TBCD: variants seen among roughly 807,000 people sequenced by gnomAD.
TBCD encodes the protein tubulin-specific chaperone D.
In TBCD, 105 loss-of-function variants were observed where a neutral mutation model predicts 169.3. The ratio of observed to expected loss-of-function variants is 0.62; its 90% CI spans 0.53 to 0.73. The LOEUF is 0.73. Among genes scored for constraint, TBCD ranks in the 30% least tolerant of loss-of-function variants. TBCD has a pLI of 0.00. For missense variants in TBCD, 1,444 were observed against 1,600.1 expected, an observed-to-expected ratio of 0.90 and a Z score of 1.66; for synonymous variants, 700 against 643.9, an observed-to-expected ratio of 1.09 and a Z score of -1.32.
At chr17:82,798,648 C>A (rs2050279891) in intron 8 of TBCD, among the ~76,000 whole-genome samples, 2 of 152,172 alleles carry the variant, frequency 1.3e-5, no homozygotes, top group African/African-American at 2.4e-5. Flanking sequence ...TGGGCAAAGC[C>A]CGTGTCATGA....
At chr17:82,909,659 C>T (rs112348118) in intron 22 of TBCD, among the ~76,000 whole-genome samples, 5 of 133,218 alleles carry the variant, frequency 3.8e-5, no homozygotes, top group East Asian at 2.3e-4. Context: ...CTGTGGGAGG[C>T]GCGTGAGGGT....
intron 34 of TBCD, among the ~76,000 whole-genome samples, chr17:82,933,232 A>G (rs926743143): frequency 6.9e-6 from 1 of 144,864 alleles, no homozygotes; most frequent in African/African-American, 2.6e-5. Context: ...CGTTGCTGCC[A>G]TATTTTCTTG....
At chr17:82,916,212 T>C (rs1452677457) in intron 23 of TBCD, among the ~76,000 whole-genome samples, 2 of 152,142 alleles carry the variant, frequency 1.3e-5, no homozygotes, top group East Asian at 3.8e-4. Context: ...GGTGGCACCC[T>C]CTCGTTTGTT....
In TBCD at chr17:82,943,177, C is replaced by G. The variant is rs1276745553; in HGVS notation, c.*714C>G. The G allele has an allele frequency of 6.6e-6, 1 of 152,336 alleles. No homozygotes were observed. Among genetic ancestry groups the G allele is most frequent in the Non-Finnish European group, 1.5e-5 (1 of 68,120 alleles). 9.4% of individuals were successfully genotyped at this position (152,336 alleles called of 1,614,324 possible). ...AGTAATGTCGGAAATAAATACCATT[C>G]TTGAAATAATTACACTGTCTTAGGA... On this transcript the variant is annotated 3_prime_UTR_variant, in exon 39 of 39. Transcript: ENST00000355528.
chr17:82,866,398 C>T (rs894384926), intron 13 of TBCD, among the ~76,000 whole-genome samples: 5 of 152,228 alleles, frequency 3.3e-5, no homozygotes, highest in African/African-American at 1.2e-4. Flanking sequence ...CACACCCTCT[C>T]AAGCTGTTTT....
intron 27 of TBCD, 52 bp from the exon 28 acceptor site, chr17:82,926,348 G>A (rs1328369122): frequency 6.4e-7 from 1 of 1,567,258 alleles, no homozygotes; most frequent in Non-Finnish European, 8.8e-7. Context: ...TCCCTAAAGA[G>A]TGCACTTTGT....
In TBCD at chr17:82,782,635, C is replaced by T. The variant is rs909288617; in HGVS notation, c.771+914C>T. On this transcript the variant is annotated intron_variant, in intron 7 of 38. Transcript: ENST00000355528. The surrounding 1 kb of genome is among the most constrained non-coding windows in gnomAD (Gnocchi z 5.1). ...TGCTGGGATTACAGGCTTGAGCCGC[C>T]GCGCCTGGAAGGACACTTTGGAGCG... Among the ~76,000 whole-genome samples, 4 of 152,198 alleles carry T rather than the reference C, an allele frequency of 2.6e-5. No individual in the cohort carries two copies. Among genetic ancestry groups the T allele is most frequent in the Non-Finnish European group, 4.4e-5 (3 of 68,040 alleles).
At chr17:82,926,574 A>G (rs982748706) in intron 28 of TBCD, 83 bp downstream of exon 28, 127 of 1,185,174 alleles carry the variant, frequency 1.1e-4, no homozygotes, top group Middle Eastern at 6.0e-4. Flanking sequence ...TTTTGCTCAG[A>G]GGCAGGACTT....
intron 22 of TBCD, among the ~76,000 whole-genome samples, chr17:82,911,372 G>A (rs114013759): frequency 8.0e-4 from 122 of 151,642 alleles, no homozygotes; most frequent in African/African-American, 2.9e-3. Flanking sequence ...CCGGAGCTCC[G>A]CCTAGCTTCG....
At chr17:82,779,215 A>G (rs528805505) in intron 6 of TBCD, among the ~76,000 whole-genome samples, 86 of 151,484 alleles carry the variant, frequency 5.7e-4, no homozygotes, top group Admixed American at 1.7e-3. Flanking sequence ...GGTGCAAGAC[A>G]GGCTGTTCTC....
intron 13 of TBCD, chr17:82,840,393 A>T (rs1451768114): frequency 2.0e-5 from 3 of 152,298 alleles, no homozygotes; most frequent in African/African-American, 7.2e-5. Flanking sequence ...ATGTGTACGC[A>T]GGAGGCAAAC....
Position 82,831,401 on chromosome 17 carries a change from C to T in TBCD, c.1318+16467C>T, listed in dbSNP as rs2053498617. On this transcript the variant is annotated intron_variant, in intron 13 of 38. Transcript: ENST00000355528. This position sits in a 1 kb window ranked among gnomAD's most constrained non-coding sequence, Gnocchi z 4.6. ...GAGGCTGGATAGACCAGGGTGGCTT[C>T]TTCAAGCAGGTGAGAGCTCTGATCT... is the stretch of plus-strand genomic sequence containing the variant. 1 of 1,614,126 alleles carries T rather than the reference C, an allele frequency of 6.2e-7. No homozygotes were observed. Among genetic ancestry groups the T allele is most frequent in the Non-Finnish European group, 8.5e-7 (1 of 1,180,012 alleles).
At chr17:82,936,723 G>C (rs1238984760) in intron 34 of TBCD, among the ~76,000 whole-genome samples, 1 of 152,174 alleles carries the variant, frequency 6.6e-6, no homozygotes, top group Non-Finnish European at 1.5e-5. Flanking sequence ...AGAGGGAGGT[G>C]CGCACCTTCT....
intron 7 of TBCD, 63 bp from the exon 8 acceptor site, chr17:82,797,694 G>C: frequency 8.3e-7 from 1 of 1,210,950 alleles, no homozygotes; most frequent in Admixed American, 2.6e-5. Flanking sequence ...TTCACAATTT[G>C]TGTGTATGTT....
chr17:82,753,105 G>A (rs2047203488), intron 1 of TBCD, among the ~76,000 whole-genome samples: 1 of 152,170 alleles, frequency 6.6e-6, no homozygotes, highest in South Asian at 2.1e-4. Context: ...GTTACATGGG[G>A]TTTTGTAATT....
intron 6 of TBCD, among the ~76,000 whole-genome samples, chr17:82,780,630 A>C (rs1395079155): frequency 6.9e-6 from 1 of 144,320 alleles, no homozygotes; most frequent in East Asian, 2.1e-4. Context: ...ATCTCAAAAA[A>C]AAGGAAGACT....
intron 2 of TBCD, among the ~76,000 whole-genome samples, chr17:82,758,525 C>T (rs2047565070): frequency 6.7e-6 from 1 of 149,662 alleles, no homozygotes; most frequent in East Asian, 1.9e-4. Flanking sequence ...GCTGGGATTT[C>T]AGGTGTGAGC....
chr17:82,833,496 T>C lies in TBCD; in HGVS notation c.1318+18562T>C, dbSNP rs1361527172. ...TTGTCTCAGATATGAATACAAATGC[T>C]ATATTTATGTTGACTTAAATGGTTG... is the stretch of plus-strand genomic sequence containing the variant. On this transcript the variant is annotated intron_variant, in intron 13 of 38. Transcript: ENST00000355528. This position sits in a 1 kb window ranked among gnomAD's most constrained non-coding sequence, Gnocchi z 4.7. 1.3e-5 allele frequency among the ~76,000 whole-genome samples: 2 copies of C among 152,254 alleles called. No homozygotes were observed. The highest frequency in any genetic ancestry group is 4.8e-5 in the African/African-American group (2 of 41,472).
Position 82,923,841 on chromosome 17 carries a change from C to T in TBCD, c.2260+108C>T. ...TCGGTTGTGCAGTGGAGCAGAGCCA[C>T]CACGATCATGGCTGGAGTGGGACTG... is the stretch of plus-strand genomic sequence containing the variant. On this transcript the variant is annotated intron_variant, in intron 26 of 38. Transcript: ENST00000355528. The surrounding 1 kb of genome is among the most constrained non-coding windows in gnomAD (Gnocchi z 4.6). 3 of 874,108 alleles carry T rather than the reference C, an allele frequency of 3.4e-6. No homozygotes were observed. The highest frequency in any genetic ancestry group is 5.3e-6 in the Non-Finnish European group (3 of 569,064). 54.1% of individuals were successfully genotyped at this position (874,108 alleles called of 1,614,324 possible). A position where few individuals can be genotyped will look rare whatever the true frequency, so the allele number is the denominator to read the frequency against.
Sources: allele counts gnomAD v4.1 joint callset (sites outside exome capture counted in the v4.1 genomes callset), GRCh38; gene constraint gnomAD v4.1.1; non-coding constraint Gnocchi (gnomAD v3.1); transcripts MANE v1.5; gene names NCBI Gene and HGNC (gene_info 2026-07-23, HGNC 2026-07-21).